The following HDX variants were observed in gnomAD, a reference collection of about 807,000 sequenced individuals.
HDX encodes highly divergent homeobox, also known as chromosome X open reading frame 43.
HDX carries 19 observed loss-of-function variants against 45.2 expected under a neutral mutation model. That is an observed-to-expected ratio of 0.42 (90% confidence interval 0.29 to 0.62). HDX has a LOEUF of 0.62. Among genes scored for constraint, HDX ranks in the 20% least tolerant of loss-of-function variants. The pLI is 0.20. For missense variants in HDX, 532 were observed against 493.9 expected, an observed-to-expected ratio of 1.08 and a Z score of -0.73; for synonymous variants, 188 against 172.8, an observed-to-expected ratio of 1.09 and a Z score of -0.69.
At chrX:84,437,919 T>C (rs1055461952) in intron 5 of HDX, among the ~76,000 whole-genome samples, 1 of 110,911 alleles carries the variant, frequency 9.0e-6, no homozygotes, top group Non-Finnish European at 1.9e-5. Context: ...GGAGAGAACG[T>C]CCTGGTCTAG....
chrX:84,371,409 T>C (rs907791297), intron 5 of HDX, among the ~76,000 whole-genome samples: 4 of 111,760 alleles, frequency 3.6e-5, no homozygotes, highest in African/African-American at 1.3e-4. Context: ...CACACCTGTA[T>C]CCTAAATGGG....
rs1380818886 is a variant in HDX at position 84,317,937 on chromosome X, A to G, written c.*3952T>C. ...TTAAATAAAAACTCTACAAAAATTC[A>G]CATTACAGTCTGATGTGGTTTTAAG... On this transcript the variant is annotated 3_prime_UTR_variant, in exon 11 of 11. Transcript: ENST00000373177. 4.5e-5 allele frequency: 5 copies of G among 111,041 alleles called. No individual in the cohort carries two copies. The highest frequency in any genetic ancestry group is 1.6e-4 in the African/African-American group (5 of 30,677). The allele number at this position is 111,041 out of a possible 1,213,427, so 9.2% of individuals were successfully genotyped here. A position where few individuals can be genotyped will look rare whatever the true frequency, so the allele number is the denominator to read the frequency against.
chrX:84,322,792 T>C lies in HDX; in HGVS notation c.1948-778A>G, dbSNP rs779515841. 2.5e-4 allele frequency among the ~76,000 whole-genome samples: 28 copies of C among 111,397 alleles called. No homozygotes were observed. In the South Asian group the frequency reaches 1.0e-2, roughly 40 times the overall value. Reference sequence around the variant, plus strand: ...TAATCAAGTTTTACGCAGCTGACAATGCTAATGTTCACTTGACCATGAGGA... The same window carrying C: ...TAATCAAGTTTTACGCAGCTGACAACGCTAATGTTCACTTGACCATGAGGA... On this transcript the variant is annotated intron_variant, in intron 10 of 10. Transcript: ENST00000373177.
At chrX:84,495,891 C>T (rs959635732) in intron 1 of HDX, among the ~76,000 whole-genome samples, 7 of 111,312 alleles carry the variant, frequency 6.3e-5, no homozygotes, top group African/African-American at 2.3e-4. Context: ...CTTCTGGAAC[C>T]ATAAGATAAT....
intron 5 of HDX, among the ~76,000 whole-genome samples, chrX:84,362,516 T>A (rs1247093592): frequency 1.5e-4 from 17 of 110,288 alleles, no homozygotes; most frequent in African/African-American, 5.3e-4. Flanking sequence ...TTAATTAAAA[T>A]ATATATATCC....
intron 5 of HDX, 133 bp from the exon 6 acceptor site, chrX:84,361,745 G>A (rs1319652810): frequency 7.5e-6 from 3 of 401,441 alleles, no homozygotes; most frequent in Admixed American, 1.1e-4. Context: ...TTCTTATTCA[G>A]TCCTCCCGTT....
intron 4 of HDX, among the ~76,000 whole-genome samples, chrX:84,452,986 G>C (rs190918575): frequency 8.9e-6 from 1 of 112,115 alleles, no homozygotes; most frequent in African/African-American, 3.2e-5. Flanking sequence ...AAATTAAACA[G>C]CTTCCCCATA....
At chrX:84,382,736 A>C (rs2147908871) in intron 5 of HDX, among the ~76,000 whole-genome samples, 1 of 111,529 alleles carries the variant, frequency 9.0e-6, no homozygotes, top group East Asian at 2.8e-4. Context: ...AAGGATAGTT[A>C]ATGGCTACAA....
chrX:84,498,211 G>A (rs776367573), intron 1 of HDX, among the ~76,000 whole-genome samples: 2 of 111,762 alleles, frequency 1.8e-5, no homozygotes, highest in East Asian at 5.6e-4. Flanking sequence ...GCATTTAATT[G>A]ACTAACAGTA....
chrX:84,407,599 T>C (rs2038862178), intron 5 of HDX, among the ~76,000 whole-genome samples: 1 of 111,675 alleles, frequency 9.0e-6, no homozygotes, highest in Admixed American at 9.6e-5. Context: ...CTGAGTAGAA[T>C]GGTAGTTCTC....
chrX:84,422,889 C>G (rs1025848469), intron 5 of HDX, among the ~76,000 whole-genome samples: 1 of 108,908 alleles, frequency 9.2e-6, no homozygotes, highest in Admixed American at 9.8e-5. Flanking sequence ...AGGATGGTCT[C>G]GATCTCCTGA....
intron 4 of HDX, among the ~76,000 whole-genome samples, chrX:84,464,392 G>C (rs1271839963): frequency 9.0e-6 from 1 of 111,075 alleles, no homozygotes; most frequent in African/African-American, 3.3e-5. Context: ...AAAAGAACAA[G>C]ACTGGAGGCA....
At chrX:84,365,009 A>G (rs968923939) in intron 5 of HDX, among the ~76,000 whole-genome samples, 7 of 111,084 alleles carry the variant, frequency 6.3e-5, no homozygotes, top group Admixed American at 5.8e-4. Flanking sequence ...TTATCCCTCT[A>G]TGGACATTTA....
chrX:84,428,998 CT>C (rs948152517), intron 5 of HDX, among the ~76,000 whole-genome samples: 2 of 110,460 alleles, frequency 1.8e-5, no homozygotes, highest in African/African-American at 6.5e-5. Context: ...GAATTCACAA[CT>C]TTTTTAAAAA....
chrX:84,500,328 T>C (rs2041092630), intron 1 of HDX: 2 of 110,496 alleles, frequency 1.8e-5, no homozygotes, highest in South Asian at 3.8e-4. Context: ...AAAGAACATA[T>C]ATAGCTACAG....
chrX:84,440,628 C>T, intron 4 of HDX, 43 bp from the exon 5 acceptor site: 1 of 874,344 alleles, frequency 1.1e-6, no homozygotes, highest in South Asian at 2.1e-5. Flanking sequence ...TATTTATTGA[C>T]AGTACTTGGA....
Position 84,435,289 on chromosome X carries a change from A to G in HDX, c.1305+5243T>C, listed in dbSNP as rs2039596586. ...GAGATGATATCTCATAGTGGTTTTG[A>G]TTTGCATTTCTCTGATGGCCAGTGA... On this transcript the variant is annotated intron_variant, in intron 5 of 10. Transcript: ENST00000373177. Among the ~76,000 whole-genome samples, 3 of 111,162 alleles carry G rather than the reference A, an allele frequency of 2.7e-5. No homozygotes were observed. The South Asian group carries it at 1.1e-3, about 41-fold the overall frequency.
At chrX:84,364,491 C>CTTT (rs1169466223) in intron 5 of HDX, among the ~76,000 whole-genome samples, 7 of 48,236 alleles carry the variant, frequency 1.5e-4, no homozygotes, top group African/African-American at 3.9e-4. Flanking sequence ...AGTTATTCAC[C>CTTT]TTTTTTTTTT....
At chrX:84,481,691 T>C (rs2040683512) in intron 2 of HDX, among the ~76,000 whole-genome samples, 1 of 111,434 alleles carries the variant, frequency 9.0e-6, no homozygotes, top group African/African-American at 3.3e-5. Flanking sequence ...CCACCAAATT[T>C]AATCTCAAAC....
Sources: gnomAD v4.1 joint callset for allele counts (sites outside exome capture counted in the v4.1 genomes callset) on GRCh38, gnomAD v4.1.1 for gene constraint, MANE v1.5 for transcripts, NCBI Gene and HGNC (gene_info 2026-07-23, HGNC 2026-07-21) for gene names.